Variants in TP53BP2 observed in about 807,000 individuals in gnomAD.
TP53BP2 encodes the protein tumor protein p53 binding protein 2.
A neutral mutation model predicts 126.2 loss-of-function variants in TP53BP2; 62 were observed. The ratio of observed to expected loss-of-function variants is 0.49; its 90% CI spans 0.40 to 0.61. The LOEUF is 0.61. TP53BP2 is among the 20% of genes least tolerant of loss of function. TP53BP2 has a pLI of 0.00. For missense variants in TP53BP2, 1,215 were observed against 1,402.8 expected, an observed-to-expected ratio of 0.87 and a Z score of 2.14; for synonymous variants, 485 against 502.9, an observed-to-expected ratio of 0.96 and a Z score of 0.48.
At chr1:223,822,991 CAAAG>C (rs1663365655) in intron 1 of TP53BP2, among the ~76,000 whole-genome samples, 1 of 152,084 alleles carries the variant, frequency 6.6e-6, no homozygotes, top group East Asian at 1.9e-4. Context: ...TAATTCCAAT[CAAAG>C]AAAGAGAATG....
At chr1:223,822,640 G>A (rs868461831) in intron 1 of TP53BP2, among the ~76,000 whole-genome samples, 30 of 151,274 alleles carry the variant, frequency 2.0e-4, no homozygotes, top group Admixed American at 5.3e-4. Context: ...CTGCACTCCA[G>A]CCTGGGTGAG....
intron 16 of TP53BP2, among the ~76,000 whole-genome samples, chr1:223,786,269 G>A (rs58712978): frequency 0.014 from 2,084 of 152,216 alleles, 66 homozygotes; most frequent in East Asian, 0.13. Context: ...ACGTAAAAGC[G>A]GCGGTCACTA....
chr1:223,803,953 C>G (rs888800812), intron 6 of TP53BP2, among the ~76,000 whole-genome samples: 1 of 152,154 alleles, frequency 6.6e-6, no homozygotes, highest in Admixed American at 6.5e-5. Context: ...AGCATCAAAA[C>G]TGCAGTAAAT....
chr1:223,804,718 TGG>T (rs1662658126), intron 5 of TP53BP2, among the ~76,000 whole-genome samples: 1 of 152,206 alleles, frequency 6.6e-6, no homozygotes, highest in Non-Finnish European at 1.5e-5. Flanking sequence ...GCACAAGATT[TGG>T]AGTACATTTA....
chr1:223,781,003 AAGT>A, intron 17 of TP53BP2, 109 bp from the exon 18 acceptor site: 1 of 1,031,064 alleles, frequency 9.7e-7, no homozygotes. Flanking sequence ...AAGGAAATCA[AAGT>A]GAGAAAAGCA....
intron 15 of TP53BP2, among the ~76,000 whole-genome samples, chr1:223,790,521 C>T (rs1662121087): frequency 6.6e-6 from 1 of 151,756 alleles, no homozygotes; most frequent in South Asian, 2.1e-4. Context: ...TGTGCCACTG[C>T]ACTCCGGCCT....
chr1:223,800,093 A>T (rs769002349), intron 10 of TP53BP2, 46 bp from the exon 11 acceptor site: 2 of 1,533,480 alleles, frequency 1.3e-6, no homozygotes, highest in Non-Finnish European at 1.8e-6. Context: ...TTTAGAATAA[A>T]GTATCTCATT....
intron 16 of TP53BP2, among the ~76,000 whole-genome samples, chr1:223,787,168 T>C (rs1039826458): frequency 6.6e-6 from 1 of 152,112 alleles, no homozygotes; most frequent in Non-Finnish European, 1.5e-5. Context: ...AGTGTTGGGA[T>C]TACAGGCATG....
intron 2 of TP53BP2, among the ~76,000 whole-genome samples, chr1:223,815,586 T>C (rs771510063): frequency 6.6e-6 from 1 of 152,168 alleles, no homozygotes; most frequent in Admixed American, 6.5e-5. Flanking sequence ...CAGAAAGATA[T>C]GGACTTCTCA....
intron 13 of TP53BP2, among the ~76,000 whole-genome samples, chr1:223,794,864 AATT>A (rs1226936928): frequency 1.3e-5 from 2 of 152,390 alleles, no homozygotes; most frequent in Middle Eastern, 3.4e-3. Context: ...AACTGTGGAC[AATT>A]ATTATCTTTG....
intron 17 of TP53BP2, among the ~76,000 whole-genome samples, 167 bp from the exon 18 acceptor site, chr1:223,781,061 G>T (rs570707280): frequency 7.9e-5 from 12 of 152,302 alleles, no homozygotes; most frequent in Admixed American, 6.5e-4. Flanking sequence ...GTTTAGCAAC[G>T]TGGTCATAGC....
At chr1:223,794,151 G>A (rs376332218) in intron 13 of TP53BP2, among the ~76,000 whole-genome samples, 18 of 150,808 alleles carry the variant, frequency 1.2e-4, no homozygotes, top group African/African-American at 3.7e-4. Context: ...TTAATGAATC[G>A]GACTTAAAAA....
chr1:223,793,454 G>A lies in TP53BP2; in HGVS notation c.2725-14C>T, dbSNP rs773340340. 8 of 1,556,018 alleles carry A rather than the reference G, an allele frequency of 5.1e-6. No individual in the cohort carries two copies. The highest frequency in any genetic ancestry group is 6.9e-6 in the Non-Finnish European group (8 of 1,155,010). ...TGTCCTTTTACCCTGCAAAGAAAAT[G>A]GGTGGAAAATTTAGGATCCTCGTCT... On this transcript the variant is annotated splice_polypyrimidine_tract_variant and intron_variant, in intron 13 of 17. Coordinates refer to ENST00000343537, the MANE Select transcript of TP53BP2 (RefSeq NM_001031685.3).
intron 2 of TP53BP2, among the ~76,000 whole-genome samples, chr1:223,819,074 C>G (rs1327124500): frequency 1.3e-5 from 2 of 151,686 alleles, no homozygotes; most frequent in African/African-American, 4.8e-5. Context: ...TCCCCAGCTA[C>G]TCGGGAGGCT....
intron 16 of TP53BP2, among the ~76,000 whole-genome samples, chr1:223,786,575 T>TGTGTGC (rs746475667): frequency 7.8e-6 from 1 of 128,328 alleles, no homozygotes; most frequent in Non-Finnish European, 1.6e-5. Flanking sequence ...TGTGTGTGCG[T>TGTGTGC]GTGTGCGTGT....
chr1:223,837,399 G>A (rs1382801414), intron 1 of TP53BP2, among the ~76,000 whole-genome samples: 1 of 152,064 alleles, frequency 6.6e-6, no homozygotes, highest in Admixed American at 6.6e-5. Context: ...AAAAAGTATG[G>A]TTTCTCTTTA....
At chr1:223,822,599 G>GTC (rs1438073595) in intron 1 of TP53BP2, among the ~76,000 whole-genome samples, 1 of 151,692 alleles carries the variant, frequency 6.6e-6, no homozygotes, top group African/African-American at 2.4e-5. Context: ...AGTCCAGGAG[G>GTC]TCGCAGCTGT....
intron 1 of TP53BP2, among the ~76,000 whole-genome samples, chr1:223,837,602 A>G (rs1663965013): frequency 7.2e-6 from 1 of 138,154 alleles, no homozygotes; most frequent in Admixed American, 7.4e-5. Flanking sequence ...GCTGGGCCTT[A>G]GGTGTGGTAA....
intron 17 of TP53BP2, among the ~76,000 whole-genome samples, chr1:223,782,849 T>A (rs1423009783): frequency 6.6e-6 from 1 of 152,248 alleles, no homozygotes; most frequent in Non-Finnish European, 1.5e-5. Context: ...AAATGAATAC[T>A]GTCTAATCAT....
Sources: allele counts gnomAD v4.1 joint callset (sites outside exome capture counted in the v4.1 genomes callset), GRCh38; gene constraint gnomAD v4.1.1; transcripts MANE v1.5; gene names NCBI Gene and HGNC (gene_info 2026-07-23, HGNC 2026-07-21).